Variants in PSMG2 observed in about 807,000 individuals in gnomAD.
PSMG2 encodes CD40 ligand-activated specific transcript 3.
PSMG2 carries 21 observed loss-of-function variants against 31.5 expected under a neutral mutation model. That is an observed-to-expected ratio of 0.67 (90% CI 0.47 to 0.96). The LOEUF (loss-of-function observed/expected upper bound fraction) is 0.96, where lower values mean the gene tolerates loss of function less well. Among genes scored for constraint, PSMG2 ranks in the 40% least tolerant of loss-of-function variants. The probability of loss-of-function intolerance (pLI) is 0.00; values close to 1 mark genes in which losing one functional copy is unlikely to be tolerated. For synonymous variants in PSMG2, 120 were observed against 110.4 expected, an observed-to-expected ratio of 1.09 and a Z score of -0.54; for missense variants, 318 against 321.2, an observed-to-expected ratio of 0.99 and a Z score of 0.08.
rs2040352409 is a variant in PSMG2, at chr18:12,713,759, ATTTC to A, written c.288+1007_288+1010del. Among the ~76,000 whole-genome samples the A allele has an allele frequency of 1.3e-5, 2 of 151,112 alleles. 1 individual carries two copies. The highest frequency in any genetic ancestry group is 4.2e-4 in the South Asian group (2 of 4,800). On this transcript the variant is annotated intron_variant, in intron 3 of 6. Coordinates refer to ENST00000317615, the MANE Select transcript of PSMG2 (RefSeq NM_020232.5). ...TATCTGCTACCCTGCAAACTCAATAATTTCTTTCTTTTTTTTTTTTTGAGACAGT... is the reference window on the plus strand; with the variant it reads ...TATCTGCTACCCTGCAAACTCAATAATTTCTTTTTTTTTTTTTGAGACAGT...
chr18:12,719,073 T>A (rs942190643), intron 4 of PSMG2, among the ~76,000 whole-genome samples: 1 of 152,204 alleles, frequency 6.6e-6, no homozygotes, highest in Non-Finnish European at 1.5e-5. Flanking sequence ...TACCATTTTT[T>A]AAAAAACATT....
intron 3 of PSMG2, among the ~76,000 whole-genome samples, chr18:12,716,498 ACT>A (rs1244770748): frequency 6.9e-6 from 1 of 144,072 alleles, no homozygotes; most frequent in Non-Finnish European, 1.5e-5. Flanking sequence ...GGTTCACGCC[ACT>A]CTCCTGCCTC....
rs752974721 is a variant in PSMG2, at chr18:12,691,392, T to C, written c.-36-15158T>C. ...AAATCTTAACCAGTCGTGAGTTGTG[T>C]GAGGGTCGAATTTGCAAATATTCTC... On this transcript the variant is annotated intron_variant, in intron 1 of 6. Transcript: ENST00000585331. 2.2e-5 allele frequency: 35 copies of C among 1,607,226 alleles called. 1 individual carries two copies. In the East Asian group the frequency reaches 7.6e-4, roughly 35 times the overall value.
rs2145148306 is a variant in PSMG2 at position 12,718,555 on chromosome 18, G to A, written c.327G>A (p.Trp109Ter). 2.5e-6 allele frequency: 4 copies of A among 1,611,534 alleles called. No individual in the cohort carries two copies. The highest frequency in any genetic ancestry group is 1.1e-5 in the South Asian group (1 of 90,764). ...SKPFCEKLLS[W>*]VKSSGCARVI... ...CATTCTGTGAAAAACTGCTTTCCTGGGTGAAAAGCAGTGGCTGTGCCAGAG... is the reference window on the plus strand; with the variant it reads ...CATTCTGTGAAAAACTGCTTTCCTGAGTGAAAAGCAGTGGCTGTGCCAGAG... The change falls in exon 4 of 7, where the codon TGG becomes TGA. Residue 109 changes from tryptophan (W) to a stop codon, truncating the protein, a stop_gained. Coordinates refer to ENST00000317615, the MANE Select transcript of PSMG2 (RefSeq NM_020232.5). LOFTEE classifies it high-confidence loss of function.
chr18:12,673,182 C>A, intron 1 of PSMG2: 1 of 1,268,332 alleles, frequency 7.9e-7, no homozygotes, highest in Admixed American at 4.0e-5. Context: ...AGTTTTTCAG[C>A]CTTAATTTTT....
At position 12,664,463 on chromosome 18, in the gene PSMG2, T is replaced by C. The variant is rs189865553; in HGVS notation, c.-37+5690T>C. 5.4e-3 allele frequency among the ~76,000 whole-genome samples: 814 copies of C among 151,890 alleles called. 5 individuals are homozygous for C. Among genetic ancestry groups the C allele is most frequent in the African/African-American group, 0.019 (786 of 41,478 alleles). ...TACTCAGGAGGCTGAGGCAGGAGAA[T>C]TGCTTGAACCCGGGAGGCAGAGATC... On this transcript the variant is annotated intron_variant, in intron 1 of 6. Transcript: ENST00000585331.
chr18:12,702,988 A>T, upstream of PSMG2: 1 of 1,150,994 alleles, frequency 8.7e-7, no homozygotes, highest in Non-Finnish European at 1.2e-6. Flanking sequence ...CCCGGCGCCC[A>T]GGGACTCAAA....
At chr18:12,688,549 G>A (rs970288736) in intron 1 of PSMG2, among the ~76,000 whole-genome samples, 2 of 152,088 alleles carry the variant, frequency 1.3e-5, no homozygotes, top group African/African-American at 2.4e-5. Context: ...TAGCATCTTA[G>A]AATGTAAGAT....
At position 12,724,496 on chromosome 18, in the gene PSMG2, T is replaced by C. The variant is rs1486893035; in HGVS notation, c.582-3T>C. ...TACTGATTCTTATTTTTATTTCTTG[T>C]AGCTGTTCTAAAGAAATCCAAATGG... On this transcript the variant is annotated splice_region_variant and splice_polypyrimidine_tract_variant and intron_variant, in intron 5 of 6. Transcript: ENST00000317615. 2 of 1,596,334 alleles carry C rather than the reference T, an allele frequency of 1.3e-6. No individual in the cohort carries two copies. The highest frequency in any genetic ancestry group is 1.7e-6 in the Non-Finnish European group (2 of 1,173,494).
In PSMG2 at chr18:12,706,474, C is replaced by T. The variant is rs1374141721; in HGVS notation, c.58-76C>T. On this transcript the variant is annotated intron_variant, in intron 1 of 6. Coordinates refer to ENST00000317615, the MANE Select transcript of PSMG2 (RefSeq NM_020232.5). ...TGTACTCCAGCCTGGGAGACAGAGG[C>T]AGACTCTGTTTCAAAAAATAAAATA... is the stretch of plus-strand genomic sequence containing the variant. 2.7e-6 allele frequency: 4 copies of T among 1,485,060 alleles called. No individual in the cohort carries two copies. The East Asian group carries it at 9.1e-5, about 34-fold the overall frequency. 92.0% of individuals were successfully genotyped at this position (1,485,060 alleles called of 1,614,324 possible).
chr18:12,673,164 T>G, intron 1 of PSMG2: 2 of 1,215,004 alleles, frequency 1.6e-6, no homozygotes, highest in East Asian at 3.6e-5. Context: ...TCCAGGGAGA[T>G]TTATACAAGT....
intron 4 of PSMG2, among the ~76,000 whole-genome samples, 161 bp downstream of exon 4, chr18:12,718,796 A>G (rs1002833853): frequency 1.3e-5 from 2 of 152,204 alleles, no homozygotes; most frequent in Non-Finnish European, 2.9e-5. Context: ...GAGGGAGTAC[A>G]GTTAGGCAGA....
chr18:12,678,074 A>C, intron 1 of PSMG2: 1 of 1,520,096 alleles, frequency 6.6e-7, no homozygotes, highest in Non-Finnish European at 9.1e-7. Context: ...AAATGAAAAG[A>C]AGTATGAAAC....
intron 1 of PSMG2, chr18:12,672,883 G>A (rs1025176001): frequency 1.0e-6 from 1 of 985,238 alleles, no homozygotes; most frequent in Non-Finnish European, 1.2e-6. Flanking sequence ...CACAAAAGTG[G>A]TAATTCATTA....
At chr18:12,692,294 C>CGATA (rs1568027024) in intron 1 of PSMG2, 1 of 150,582 alleles carries the variant, frequency 6.6e-6, no homozygotes, top group Non-Finnish European at 1.5e-5. Context: ...CCACCCTGGG[C>CGATA]GATAGAGTGA....
chr18:12,703,289 G>A, intron 1 of PSMG2, 125 bp downstream of exon 1: 1 of 1,174,244 alleles, frequency 8.5e-7, no homozygotes, highest in Non-Finnish European at 1.2e-6. Context: ...CATGTTTTCG[G>A]CCGGAAAAAA....
upstream of PSMG2, chr18:12,702,620 AG>A: frequency 6.6e-7 from 1 of 1,504,436 alleles, no homozygotes; most frequent in Non-Finnish European, 8.9e-7. Flanking sequence ...CGGCCGGGCC[AG>A]GGAGCGTTAG....
intron 1 of PSMG2, among the ~76,000 whole-genome samples, chr18:12,667,626 T>G (rs1753445185): frequency 6.6e-6 from 1 of 151,702 alleles, no homozygotes; most frequent in Non-Finnish European, 1.5e-5. Context: ...CCGGGCGTGG[T>G]GGCACGTGCC....
At chr18:12,702,126 G>A (rs761484229), upstream of PSMG2, among the ~76,000 whole-genome samples, 7 of 152,006 alleles carry the variant, frequency 4.6e-5, no homozygotes, top group Admixed American at 1.3e-4. Context: ...TCCGTCTCAA[G>A]AAAGAAAAAA....
Sources: allele counts gnomAD v4.1 joint callset (sites outside exome capture counted in the v4.1 genomes callset), GRCh38; gene constraint gnomAD v4.1.1; transcripts MANE v1.5; gene names NCBI Gene and HGNC (gene_info 2026-07-23, HGNC 2026-07-21).